Variants in GPR37L1 observed in about 807,000 individuals in gnomAD.
GPR37L1 encodes the protein G protein-coupled receptor 37-like 1.
A neutral mutation model predicts 18.0 loss-of-function variants in GPR37L1; 18 were observed. The ratio of observed to expected loss-of-function variants is 1.00; its 90% CI spans 0.69 to 1.49. GPR37L1 has a LOEUF of 1.49. Among genes scored for constraint, GPR37L1 ranks in the 40% most tolerant of loss-of-function variants. GPR37L1 has a pLI of 0.00. For synonymous variants in GPR37L1, 256 were observed against 273.9 expected (o/e 0.93, Z 0.65); for missense variants, 558 against 615.1 (o/e 0.91, Z 0.98).
Position 202,127,933 on chromosome 1 carries a change from G to A in GPR37L1, c.823G>A (p.Glu275Lys), listed in dbSNP as rs1654716536. The A allele has an allele frequency of 1.2e-6, 2 of 1,613,800 alleles. No homozygotes were observed. Among genetic ancestry groups the A allele is most frequent in the South Asian group, 1.1e-5 (1 of 91,070 alleles). Residue 275 changes from glutamate (E) to lysine (K), a missense_variant, in exon 2 of 2, where the codon GAG becomes AAG. Coordinates refer to ENST00000367282, the MANE Select transcript of GPR37L1 (RefSeq NM_004767.5). The part of the protein sequence containing the change: ...PELLLWQLAQ[E>K]PAPTMGTLDS... ...GCTCCTGCTGTGGCAGCTGGCACAGGAGCCTGCCCCCACCATGGGCACCCT... is the reference window on the plus strand; with the variant it reads ...GCTCCTGCTGTGGCAGCTGGCACAGAAGCCTGCCCCCACCATGGGCACCCT...
rs1654874385 is a variant in GPR37L1, at chr1:202,132,115, GCT to G, written c.*3564_*3565del. 1 of 152,188 alleles carries G rather than the reference GCT, an allele frequency of 6.6e-6. No homozygotes were observed. The highest frequency in any genetic ancestry group is 6.5e-5 in the Admixed American group (1 of 15,270). 9.4% of individuals were successfully genotyped at this position (152,188 alleles called of 1,614,324 possible). On this transcript the variant is annotated 3_prime_UTR_variant, in exon 2 of 2. Coordinates refer to ENST00000367282, the MANE Select transcript of GPR37L1 (RefSeq NM_004767.5). ...ATGCTTGCTTGCTTCCTGGTAACCA[GCT>G]CTCTTATCTCAAACCTCAATCCTCA...
chr1:202,126,838 C>CGTGTGTGTGTGTGT lies in GPR37L1; in HGVS notation c.631-885_631-872dup, dbSNP rs111909066. On this transcript the variant is annotated intron_variant, in intron 1 of 1. Coordinates refer to ENST00000367282, the MANE Select transcript of GPR37L1 (RefSeq NM_004767.5). ...GGACAGGGCCAGGAGCAGAAACGTG[C>CGTGTGTGTGTGTGT]GTGTGTGTGTGTGTGTGTGTGTGTG... is the stretch of plus-strand genomic sequence containing the variant. Among the ~76,000 whole-genome samples the CGTGTGTGTGTGTGT allele has an allele frequency of 8.2e-3, 1,207 of 146,432 alleles. 12 individuals carry two copies. Among genetic ancestry groups the CGTGTGTGTGTGTGT allele is most frequent in the South Asian group, 0.021 (96 of 4,476 alleles).
chr1:202,132,335 G>T lies in GPR37L1; in HGVS notation c.*3779G>T, dbSNP rs1280992187. ...GGAGGACATGTCCCATTTTGCTTAG[G>T]AGTTGGGAGGTACCCTAGAATCACT... On this transcript the variant is annotated 3_prime_UTR_variant, in exon 2 of 2. Coordinates refer to ENST00000367282, the MANE Select transcript of GPR37L1 (RefSeq NM_004767.5). 1 of 152,234 alleles carries T rather than the reference G, an allele frequency of 6.6e-6. No homozygotes were observed. Among genetic ancestry groups the T allele is most frequent in the Non-Finnish European group, 1.5e-5 (1 of 68,050 alleles). 9.4% of individuals were successfully genotyped at this position (152,234 alleles called of 1,614,324 possible). A position where few individuals can be genotyped will look rare whatever the true frequency, so the allele number is the denominator to read the frequency against.
Position 202,123,291 on chromosome 1 carries a change from C to G in GPR37L1, c.328C>G (p.Pro110Ala). Reference sequence around the variant, plus strand: ...ACTGAGGGGCAATCTGACAGGAGCACCAGGGCAGAGGCTACAGATCCAGAA... The same window carrying G: ...ACTGAGGGGCAATCTGACAGGAGCAGCAGGGCAGAGGCTACAGATCCAGAA... ...QELRGNLTGAPGQRLQIQNPL... is the reference protein window; with the variant it reads ...QELRGNLTGAAGQRLQIQNPL... Residue 110 changes from proline (P) to alanine (A), a missense_variant, in exon 1 of 2, where the codon CCA becomes GCA. Physicochemically the swap from Pro to Ala is conservative, Grantham distance 27. Coordinates refer to ENST00000367282, the MANE Select transcript of GPR37L1 (RefSeq NM_004767.5). 6.2e-7 allele frequency: 1 copy of G among 1,614,132 alleles called. No homozygotes were observed. The highest frequency in any genetic ancestry group is 8.5e-7 in the Non-Finnish European group (1 of 1,180,012).
At position 202,128,122 on chromosome 1, in the gene GPR37L1, C is replaced by A. The variant is rs148090270; in HGVS notation, c.1012C>A (p.Pro338Thr). 51 of 1,613,932 alleles carry A rather than the reference C, an allele frequency of 3.2e-5. No individual in the cohort carries two copies. The African/African-American group carries it at 5.2e-4, about 16-fold the overall frequency. ...CQLVTWRVRG[P>T]PGRKSECRAS... is the part of the protein sequence containing the mutation. ...GCTGGTGACATGGCGGGTGCGAGGCCCTCCAGGGAGGAAGTCAGAGTGCAG... is the reference window on the plus strand; with the variant it reads ...GCTGGTGACATGGCGGGTGCGAGGCACTCCAGGGAGGAAGTCAGAGTGCAG... The change falls in exon 2 of 2, where the codon CCT becomes ACT. Residue 338 changes from proline (P) to threonine (T), a missense_variant. Transcript: ENST00000367282.
intron 1 of GPR37L1, among the ~76,000 whole-genome samples, chr1:202,127,489 T>C (rs1307273761): frequency 6.6e-6 from 1 of 152,078 alleles, no homozygotes; most frequent in Non-Finnish European, 1.5e-5. Flanking sequence ...TATTTTTTTG[T>C]ATTTTTAGTA....
At chr1:202,124,876 A>T (rs1392160240) in intron 1 of GPR37L1, among the ~76,000 whole-genome samples, 3 of 152,198 alleles carry the variant, frequency 2.0e-5, no homozygotes, top group African/African-American at 4.8e-5. Flanking sequence ...CCCTGAAAGA[A>T]GACCCTGTGC....
At chr1:202,123,937 C>A (rs1384122808) in intron 1 of GPR37L1, among the ~76,000 whole-genome samples, 1 of 152,150 alleles carries the variant, frequency 6.6e-6, no homozygotes, top group African/African-American at 2.4e-5. Flanking sequence ...TCTCCCCTGT[C>A]CCACCCAAGA....
Position 202,132,924 on chromosome 1 carries a change from G to A in GPR37L1, c.*4368G>A, listed in dbSNP as rs879888358. 6.6e-6 allele frequency: 1 copy of A among 152,312 alleles called. No individual in the cohort carries two copies. Among genetic ancestry groups the A allele is most frequent in the East Asian group, 1.9e-4 (1 of 5,184 alleles). The allele number at this position is 152,312 out of a possible 1,614,324, so 9.4% of individuals were successfully genotyped here. A position where few individuals can be genotyped will look rare whatever the true frequency, so the allele number is the denominator to read the frequency against. On this transcript the variant is annotated 3_prime_UTR_variant, in exon 2 of 2. Transcript: ENST00000367282. ...CTGTGGGCCCAGCCCTACCCCTGAAGCACAGTTAACTGGTTCTGGGGTAGG... is the reference window on the plus strand; with the variant it reads ...CTGTGGGCCCAGCCCTACCCCTGAAACACAGTTAACTGGTTCTGGGGTAGG...
rs1203573430 is a variant in GPR37L1, at chr1:202,129,592, A to G, written c.*1036A>G. The G allele has an allele frequency of 2.0e-5, 3 of 152,160 alleles. No homozygotes were observed. The highest frequency in any genetic ancestry group is 4.4e-5 in the Non-Finnish European group (3 of 68,094). 9.4% of individuals were successfully genotyped at this position (152,160 alleles called of 1,614,324 possible). A position where few individuals can be genotyped will look rare whatever the true frequency, so the allele number is the denominator to read the frequency against. On this transcript the variant is annotated 3_prime_UTR_variant, in exon 2 of 2. Coordinates refer to ENST00000367282, the MANE Select transcript of GPR37L1 (RefSeq NM_004767.5). ...TTCCTGGCCTGGCAGTGCCTAGGAG[A>G]ATTTCTCCTGACCTGGCCTGGCCTG...
rs773098917 is a variant in GPR37L1 at position 202,128,463 on chromosome 1, G to T, written c.1353G>T (p.Ser451=). 2 of 1,609,604 alleles carry T rather than the reference G, an allele frequency of 1.2e-6. No homozygotes were observed. The highest frequency in any genetic ancestry group is 2.7e-5 in the African/African-American group (2 of 74,972). Residue 451 remains serine (S), a synonymous_variant, in exon 2 of 2, where the codon TCG becomes TCT. Transcript: ENST00000367282. ...GASEASAANG[S]DNKLKTEVSS... The stretch of plus-strand genomic sequence containing the variant: ...CGGAGGCCTCTGCTGCCAATGGGTC[G>T]GACAACAAGCTCAAGACCGAGGTGT...
At chr1:202,123,998 G>A (rs774688338) in intron 1 of GPR37L1, among the ~76,000 whole-genome samples, 9 of 151,968 alleles carry the variant, frequency 5.9e-5, no homozygotes, top group African/African-American at 1.7e-4. Flanking sequence ...ACCCCCTGCC[G>A]CTGCCCTGCT....
At position 202,128,036 on chromosome 1, in the gene GPR37L1, G is replaced by C. The variant is rs752983537; in HGVS notation, c.926G>C (p.Arg309Pro). The C allele has an allele frequency of 1.2e-6, 2 of 1,614,114 alleles. No homozygotes were observed. The highest frequency in any genetic ancestry group is 2.2e-5 in the South Asian group (2 of 91,082). ...YSLVMTYQNA[R>P]MWWYFGCYFC... ...CTGGTGATGACCTACCAGAACGCCC[G>C]CATGTGGTGGTACTTTGGCTGCTAC... Residue 309 changes from arginine (R) to proline (P), a missense_variant, in exon 2 of 2, where the codon CGC (arginine) becomes CCC (proline). Transcript: ENST00000367282.
intron 1 of GPR37L1, among the ~76,000 whole-genome samples, chr1:202,126,019 G>A (rs1382825863): frequency 1.3e-5 from 2 of 152,196 alleles, no homozygotes; most frequent in Non-Finnish European, 2.9e-5. Flanking sequence ...ACCGCGCCCA[G>A]CAACACCCTT....
rs2147809034 is a variant in GPR37L1, at chr1:202,133,235, C to T, written c.*4679C>T. ...AGGAGGTGGCGCAAGAGCCTGGACG[C>T]ACGTGTGGGAGGCCGTTTTGTGCAG... is the stretch of plus-strand genomic sequence containing the variant. On this transcript the variant is annotated 3_prime_UTR_variant, in exon 2 of 2. Transcript: ENST00000367282. 1 of 152,396 alleles carries T rather than the reference C, an allele frequency of 6.6e-6. No individual in the cohort carries two copies. The highest frequency in any genetic ancestry group is 2.1e-4 in the South Asian group (1 of 4,834). 9.4% of individuals were successfully genotyped at this position (152,396 alleles called of 1,614,324 possible).
chr1:202,123,761 G>C (rs1476974725), intron 1 of GPR37L1, among the ~76,000 whole-genome samples, 168 bp downstream of exon 1: 2 of 152,138 alleles, frequency 1.3e-5, no homozygotes, highest in African/African-American at 4.8e-5. Flanking sequence ...ATACGGTATT[G>C]GTTTCTGGTT....
chr1:202,126,321 T>C, intron 1 of GPR37L1, among the ~76,000 whole-genome samples: 1 of 151,308 alleles, frequency 6.6e-6, no homozygotes, highest in South Asian at 2.1e-4. Flanking sequence ...GGCAGGAGAA[T>C]CACTTGAACC....
rs769875162 is a variant in GPR37L1 at position 202,123,481 on chromosome 1, C to T, written c.518C>T (p.Ala173Val). The T allele has an allele frequency of 1.9e-6, 3 of 1,614,020 alleles. No homozygotes were observed. Among genetic ancestry groups the T allele is most frequent in the Non-Finnish European group, 2.5e-6 (3 of 1,179,970 alleles). ...SAWNSILASL[A>V]LWDFLVLFFC... ...TGGAACTCCATCCTTGCCAGCCTGG[C>T]CCTCTGGGATTTTCTGGTCCTCTTT... is the stretch of plus-strand genomic sequence containing the variant. Residue 173 changes from alanine to valine, a missense_variant, in exon 1 of 2, where the codon GCC (alanine) becomes GTC (valine). Coordinates refer to ENST00000367282, the MANE Select transcript of GPR37L1 (RefSeq NM_004767.5).
Position 202,130,264 on chromosome 1 carries a change from T to C in GPR37L1, c.*1708T>C. 6.6e-6 allele frequency: 1 copy of C among 152,584 alleles called. No individual in the cohort carries two copies. Among genetic ancestry groups the C allele is most frequent in the Non-Finnish European group, 1.5e-5 (1 of 68,286 alleles). The allele number at this position is 152,584 out of a possible 1,614,324, so 9.5% of individuals were successfully genotyped here. ...ACCCCCCCTGTCTGAAGCTCTGTCC[T>C]GGGTCCCACCAGACTTCTGCCCACC... On this transcript the variant is annotated 3_prime_UTR_variant, in exon 2 of 2. Coordinates refer to ENST00000367282, the MANE Select transcript of GPR37L1 (RefSeq NM_004767.5).
Sources: allele counts gnomAD v4.1 joint callset (sites outside exome capture counted in the v4.1 genomes callset), GRCh38; gene constraint gnomAD v4.1.1; transcripts MANE v1.5; gene names NCBI Gene and HGNC (gene_info 2026-07-23, HGNC 2026-07-21).